The following RAD52 variants were observed in gnomAD, a reference collection of about 807,000 sequenced individuals.
RAD52 encodes RAD52 DNA repair protein.
In RAD52, 47 loss-of-function variants were observed where a neutral mutation model predicts 55.5. The observed-to-expected ratio is 0.85, with a 90% CI of 0.67 to 1.08. The LOEUF (loss-of-function observed/expected upper bound fraction) is 1.08. Ranked by LOEUF, RAD52 falls within the 50% of genes least tolerant of loss-of-function variation. The probability of loss-of-function intolerance (pLI) is 0.00; values close to 1 mark genes in which losing one functional copy is unlikely to be tolerated. For missense variants in RAD52, 468 were observed against 522.8 expected (o/e 0.90, Z 1.02); for synonymous variants, 184 against 198.9 (o/e 0.92, Z 0.63).
intron 1 of RAD52, among the ~76,000 whole-genome samples, chr12:956,000 A>G (rs114711477): frequency 9.9e-4 from 150 of 152,180 alleles, no homozygotes; most frequent in African/African-American, 3.4e-3. Flanking sequence ...GCCCAGCCCA[A>G]TGTACTCTTC....
At chr12:914,240 AT>A in intron 10 of RAD52, 119 bp from the exon 11 acceptor site, 1 of 1,281,246 alleles carries the variant, frequency 7.8e-7, no homozygotes, top group Non-Finnish European at 1.1e-6. Context: ...AGTTTTTGGA[AT>A]TTCTCTCCCC....
chr12:990,741 C>CCCGCG (rs1370108120), upstream of RAD52: 4 of 152,242 alleles, frequency 2.6e-5, no homozygotes, highest in Admixed American at 2.6e-4. Flanking sequence ...CGGCGCTGCT[C>CCCGCG]CCGCGGCGCT....
chr12:972,778 A>C (rs962641316), intron 1 of RAD52, among the ~76,000 whole-genome samples: 1 of 150,460 alleles, frequency 6.6e-6, no homozygotes, highest in Non-Finnish European at 1.5e-5. Context: ...AAAAAAAAAA[A>C]AAAAAAAAAA....
rs985160662 is a variant in RAD52 at position 913,094 on chromosome 12, G to A, written c.*297C>T. ...AGGAGCCATTGGTGATTCCTAAAAT[G>A]TCCATCTTCATTAACATAATAGTTC... On this transcript the variant is annotated 3_prime_UTR_variant, in exon 12 of 12. Coordinates refer to ENST00000358495, the MANE Select transcript of RAD52 (RefSeq NM_134424.4). 3 of 269,222 alleles carry A rather than the reference G, an allele frequency of 1.1e-5. No individual in the cohort carries two copies. The highest frequency in any genetic ancestry group is 2.0e-5 in the Non-Finnish European group (3 of 147,712). 16.7% of individuals were successfully genotyped at this position (269,222 alleles called of 1,614,324 possible).
chr12:926,382 T>G (rs2154112836), intron 6 of RAD52, among the ~76,000 whole-genome samples: 1 of 152,002 alleles, frequency 6.6e-6, no homozygotes. Context: ...TATGTGCCTG[T>G]GATCCCAGCT....
chr12:956,807 A>G (rs922286609), intron 1 of RAD52, among the ~76,000 whole-genome samples: 1 of 152,300 alleles, frequency 6.6e-6, no homozygotes, highest in African/African-American at 2.4e-5. Flanking sequence ...TCGGCCTCCC[A>G]AAGTGCTGGG....
At chr12:913,806 T>C in intron 11 of RAD52, 88 bp downstream of exon 11, 1 of 1,241,530 alleles carries the variant, frequency 8.1e-7, no homozygotes, top group Non-Finnish European at 1.2e-6. Context: ...TATCAAACTT[T>C]AAATGAAATG....
intron 7 of RAD52, among the ~76,000 whole-genome samples, chr12:921,922 A>G (rs942443467): frequency 3.3e-5 from 5 of 151,588 alleles, no homozygotes; most frequent in African/African-American, 1.2e-4. Context: ...CCTGACCAAC[A>G]TGGTGAAACC....
intron 7 of RAD52, among the ~76,000 whole-genome samples, chr12:923,660 G>A (rs1956859658): frequency 6.6e-6 from 1 of 151,958 alleles, no homozygotes; most frequent in Admixed American, 6.6e-5. Flanking sequence ...TACGGGTGCA[G>A]GGTCTTAGTT....
chr12:979,539 G>GTC (rs149039045), intron 1 of RAD52, among the ~76,000 whole-genome samples: 396 of 150,228 alleles, frequency 2.6e-3, no homozygotes, highest in African/African-American at 8.4e-3. Context: ...CACATGTGCC[G>GTC]TCTCTCTCTC....
Position 927,196 on chromosome 12 carries a change from A to T in RAD52, c.416T>A (p.Leu139Ter). Residue 139 changes from leucine (L) to a stop codon, truncating the protein, a stop_gained, in exon 6 of 12, where the codon TTG becomes TAG. Coordinates refer to ENST00000358495, the MANE Select transcript of RAD52 (RefSeq NM_134424.4). LOFTEE classifies it high-confidence loss of function. ...SEGLKSKALS[L>*]EKARKEAVTD... is the part of the protein sequence containing the mutation. ...CACCGCCTCCTTCCTTGCCTTCTCC[A>T]AAGATAAAGCCTTGGACTTGAGGCC... 1 of 1,614,102 alleles carries T rather than the reference A, an allele frequency of 6.2e-7. No individual in the cohort carries two copies.
chr12:965,725 G>A (rs1396190399), intron 1 of RAD52, among the ~76,000 whole-genome samples: 2 of 151,444 alleles, frequency 1.3e-5, no homozygotes, highest in Non-Finnish European at 2.9e-5. Flanking sequence ...TCACTCTATT[G>A]CCTAGGCTGG....
intron 1 of RAD52, among the ~76,000 whole-genome samples, chr12:966,487 T>A (rs559567464): frequency 6.6e-6 from 1 of 152,078 alleles, no homozygotes; most frequent in African/African-American, 2.4e-5. Flanking sequence ...CCATGCCACC[T>A]CCATTTTTTT....
intron 1 of RAD52, among the ~76,000 whole-genome samples, chr12:965,713 T>G (rs1439375649): frequency 6.6e-6 from 1 of 151,824 alleles, no homozygotes. Flanking sequence ...CAAGACAGAG[T>G]CTCACTCTAT....
intron 1 of RAD52, among the ~76,000 whole-genome samples, chr12:969,559 G>A (rs1479330758): frequency 1.3e-5 from 2 of 152,006 alleles, no homozygotes; most frequent in Non-Finnish European, 2.9e-5. Context: ...GGCTGAGGCA[G>A]GAGGATCACT....
In RAD52 at chr12:926,839, GC is replaced by G. The variant is rs759363789; in HGVS notation, c.467+305del. On this transcript the variant is annotated intron_variant, in intron 6 of 11. Coordinates refer to ENST00000358495, the MANE Select transcript of RAD52 (RefSeq NM_134424.4). ...TGCTGAGGAGCACGGAGAGGAGGGT[GC>G]TGTCTGTGCACTCGCAGTAGGAGTG... 3.3e-6 allele frequency: 5 copies of G among 1,536,760 alleles called. No individual in the cohort carries two copies. In the African/African-American group the frequency reaches 5.5e-5, roughly 17 times the overall value.
chr12:980,686 C>T (rs946609702), intron 1 of RAD52, among the ~76,000 whole-genome samples: 38 of 151,832 alleles, frequency 2.5e-4, no homozygotes, highest in African/African-American at 8.7e-4. Context: ...ACTGCAACCG[C>T]CGCCTCCTGG....
chr12:913,601 G>T (rs1427981656), intron 11 of RAD52, 149 bp from the exon 12 acceptor site: 2 of 757,154 alleles, frequency 2.6e-6, no homozygotes, highest in Non-Finnish European at 4.3e-6. Flanking sequence ...GATTCTCCTA[G>T]ACCAAGTGGC....
chr12:976,907 G>A (rs1323277147), intron 1 of RAD52: 2 of 152,180 alleles, frequency 1.3e-5, no homozygotes, highest in African/African-American at 2.4e-5. Context: ...TCTACTCGCA[G>A]ATTGTCTTAT....
Sources: gnomAD v4.1 joint callset for allele counts (sites outside exome capture counted in the v4.1 genomes callset) on GRCh38, gnomAD v4.1.1 for gene constraint, MANE v1.5 for transcripts, NCBI Gene and HGNC (gene_info 2026-07-23, HGNC 2026-07-21) for gene names.